Variants in PAK5 observed in about 807,000 individuals in gnomAD.
PAK5 encodes p21 (RAC1) activated kinase 5.
Under a neutral mutation model 65.9 loss-of-function variants are expected in PAK5, and 16 were observed. The ratio of observed to expected loss-of-function variants is 0.24; its 90% CI spans 0.16 to 0.37. The LOEUF (loss-of-function observed/expected upper bound fraction) is 0.37, where lower values mean the gene tolerates loss of function less well. Among genes scored for constraint, PAK5 ranks in the 10% least tolerant of loss-of-function variants. PAK5 has a pLI of 1.00. For missense variants in PAK5, 785 were observed against 903.9 expected, an observed-to-expected ratio of 0.87 and a Z score of 1.69; for synonymous variants, 371 against 354.9, an observed-to-expected ratio of 1.05 and a Z score of -0.51.
At chr20:9,658,833 C>T (rs1422991223) in intron 2 of PAK5, among the ~76,000 whole-genome samples, 1 of 152,120 alleles carries the variant, frequency 6.6e-6, no homozygotes, top group Non-Finnish European at 1.5e-5. Context: ...GCACAATTGG[C>T]TCTCACAAGC....
chr20:9,705,419 A>T (rs1018365049), intron 2 of PAK5, among the ~76,000 whole-genome samples: 5 of 152,318 alleles, frequency 3.3e-5, no homozygotes, highest in African/African-American at 1.2e-4. Flanking sequence ...CAAGAACACC[A>T]GGCATGAGGA....
intron 1 of PAK5, among the ~76,000 whole-genome samples, chr20:9,770,012 G>A (rs1189196307): frequency 6.6e-6 from 1 of 152,154 alleles, no homozygotes; most frequent in East Asian, 1.9e-4. Context: ...GAAAAGTAGG[G>A]TGGTAGCTGG....
intron 1 of PAK5, among the ~76,000 whole-genome samples, chr20:9,747,672 G>T (rs1253828471): frequency 2.7e-4 from 41 of 152,008 alleles, no homozygotes; most frequent in African/African-American, 9.4e-4. Flanking sequence ...ATTAGGTATT[G>T]ATGGGACGTA....
chr20:9,812,271 T>A (rs946774696), intron 1 of PAK5, among the ~76,000 whole-genome samples: 1 of 152,012 alleles, frequency 6.6e-6, no homozygotes, highest in Non-Finnish European at 1.5e-5. Context: ...TATTTTTGAA[T>A]TTCATAAGCT....
chr20:9,721,114 G>T (rs2048207735), intron 1 of PAK5, among the ~76,000 whole-genome samples: 1 of 152,072 alleles, frequency 6.6e-6, no homozygotes, highest in African/African-American at 2.4e-5. Flanking sequence ...ATTTTATCTC[G>T]ATAAATATGC....
In PAK5 at chr20:9,709,805, G is replaced by T. The variant is rs542585169; in HGVS notation, c.-12+1481C>A. Among the ~76,000 whole-genome samples, 5 of 152,208 alleles carry T rather than the reference G, an allele frequency of 3.3e-5. No individual in the cohort carries two copies. In the East Asian group the frequency reaches 9.7e-4, roughly 29 times the overall value. ...GAAAAACTCTTCTGAGCACAGACTT[G>T]AGGGTTGTCCACCCTCCAACAGTAG... On this transcript the variant is annotated intron_variant, in intron 2 of 9. Transcript: ENST00000353224.
chr20:9,700,808 C>T (rs2123461201), intron 2 of PAK5, among the ~76,000 whole-genome samples: 1 of 152,292 alleles, frequency 6.6e-6, no homozygotes, highest in South Asian at 2.1e-4. Flanking sequence ...TTGAACTTGT[C>T]TGCAGGCTAG....
intron 1 of PAK5, among the ~76,000 whole-genome samples, chr20:9,826,228 G>A (rs1204982658): frequency 1.2e-5 from 1 of 83,538 alleles, no homozygotes; most frequent in Non-Finnish European, 2.3e-5. Flanking sequence ...ATTTCACACT[G>A]TCTGTGTTAA....
At chr20:9,761,330 GC>G (rs1418101724) in intron 1 of PAK5, among the ~76,000 whole-genome samples, 10 of 152,044 alleles carry the variant, frequency 6.6e-5, no homozygotes, top group Non-Finnish European at 1.0e-4. Flanking sequence ...AAGAATCCCT[GC>G]CCTTGAAATA....
intron 2 of PAK5, among the ~76,000 whole-genome samples, chr20:9,668,298 G>A (rs2047447308): frequency 6.6e-6 from 1 of 152,114 alleles, no homozygotes; most frequent in South Asian, 2.1e-4. Context: ...TTTTTCAGAG[G>A]AAATTTTGAG....
At position 9,712,047 on chromosome 20, in the gene PAK5, C is replaced by T. The variant is rs58962190; in HGVS notation, c.-161-612G>A. Among the ~76,000 whole-genome samples the T allele has an allele frequency of 6.1e-3, 928 of 152,246 alleles. 16 individuals carry two copies. Among genetic ancestry groups the T allele is most frequent in the African/African-American group, 0.021 (884 of 41,562 alleles). On this transcript the variant is annotated intron_variant, in intron 1 of 9. Transcript: ENST00000353224. ...AACAGCACTGTAGCTTATGCCTCCA[C>T]AAAGATTTTCTAACACACGTGTTTT...
At chr20:9,669,102 T>C (rs2047458551) in intron 2 of PAK5, among the ~76,000 whole-genome samples, 2 of 152,338 alleles carry the variant, frequency 1.3e-5, no homozygotes, top group South Asian at 2.1e-4. Flanking sequence ...TATTCATAAT[T>C]ACACATGCTG....
At position 9,548,781 on chromosome 20, in the gene PAK5, T is replaced by G. The variant is rs116625705; in HGVS notation, c.1744-4287A>C. ...AAGATAGCTGTTGCTAGAATCAAAA[T>G]TGGAACACAGATGAAATGAAAATAA... is the stretch of plus-strand genomic sequence containing the variant. On this transcript the variant is annotated intron_variant, in intron 7 of 9. Coordinates refer to ENST00000353224, the MANE Select transcript of PAK5 (RefSeq NM_177990.4). Among the ~76,000 whole-genome samples, 669 of 152,322 alleles carry G rather than the reference T, an allele frequency of 4.4e-3. 6 individuals are homozygous for G. Among genetic ancestry groups the G allele is most frequent in the African/African-American group, 0.015 (638 of 41,584 alleles).
chr20:9,545,577 T>C (rs2045331900), intron 7 of PAK5, among the ~76,000 whole-genome samples: 3 of 151,992 alleles, frequency 2.0e-5, no homozygotes, highest in Admixed American at 1.3e-4. Flanking sequence ...TCTTCCAACC[T>C]TTTTTTTCTG....
At chr20:9,747,209 A>G (rs1209730540) in intron 1 of PAK5, among the ~76,000 whole-genome samples, 1 of 152,186 alleles carries the variant, frequency 6.6e-6, no homozygotes, top group African/African-American at 2.4e-5. Flanking sequence ...TACCAACTAA[A>G]AAGAGTCCAG....
intron 1 of PAK5, among the ~76,000 whole-genome samples, chr20:9,766,807 T>C (rs2048773443): frequency 6.6e-6 from 1 of 152,124 alleles, no homozygotes; most frequent in Admixed American, 6.6e-5. Flanking sequence ...TCTTAGGTAC[T>C]AATGATATTC....
At chr20:9,829,143 C>G (rs1326742253) in intron 1 of PAK5, among the ~76,000 whole-genome samples, 1 of 152,142 alleles carries the variant, frequency 6.6e-6, no homozygotes, top group Non-Finnish European at 1.5e-5. Context: ...TACAAACAAC[C>G]AAATATTGAT....
chr20:9,749,642 T>C (rs2048551574), intron 1 of PAK5, among the ~76,000 whole-genome samples: 1 of 152,214 alleles, frequency 6.6e-6, no homozygotes, highest in Non-Finnish European at 1.5e-5. Flanking sequence ...ATGTATTTCC[T>C]GCCTTTTATA....
At chr20:9,619,767 T>C (rs1655219249) in intron 3 of PAK5, among the ~76,000 whole-genome samples, 1 of 152,220 alleles carries the variant, frequency 6.6e-6, no homozygotes, top group African/African-American at 2.4e-5. Flanking sequence ...GGGACAGTCA[T>C]TCAATGTTTG....
Sources: gnomAD v4.1 joint callset for allele counts (sites outside exome capture counted in the v4.1 genomes callset) on GRCh38, gnomAD v4.1.1 for gene constraint, MANE v1.5 for transcripts, NCBI Gene and HGNC (gene_info 2026-07-23, HGNC 2026-07-21) for gene names.